The following ADCY3 variants were observed in gnomAD, a reference collection of about 807,000 sequenced individuals.
ADCY3 encodes the protein adenylate cyclase 3, also known as adenylate cyclase type 3.
ADCY3 carries 70 observed loss-of-function variants against 119.4 expected under a neutral mutation model. That is an observed-to-expected ratio of 0.59 (90% confidence interval 0.48 to 0.72). The LOEUF (loss-of-function observed/expected upper bound fraction) is 0.72, where lower values mean the gene tolerates loss of function less well. ADCY3 is among the 30% of genes least tolerant of loss of function. The pLI is 0.00. For synonymous variants in ADCY3, 672 were observed against 621.4 expected (o/e 1.08, Z -1.21); for missense variants, 1,238 against 1,541.6 (o/e 0.80, Z 3.30).
chr2:24,855,429 C>T (rs1404614750), intron 3 of ADCY3, among the ~76,000 whole-genome samples: 2 of 152,208 alleles, frequency 1.3e-5, no homozygotes, highest in South Asian at 2.1e-4. Flanking sequence ...GAGAAGACTG[C>T]GGGAAGAGCC....
intron 11 of ADCY3, among the ~76,000 whole-genome samples, chr2:24,833,207 G>A (rs970249128): frequency 1.3e-5 from 2 of 152,140 alleles, no homozygotes; most frequent in African/African-American, 4.8e-5. Context: ...TTGTTCTGGC[G>A]GCCTCCTGTG....
intron 18 of ADCY3, among the ~76,000 whole-genome samples, chr2:24,822,984 GTCCTTA>G (rs1369748203): frequency 1.3e-5 from 2 of 152,212 alleles, no homozygotes; most frequent in Non-Finnish European, 2.9e-5. Flanking sequence ...TGCTTGGCCA[GTCCTTA>G]TCCTTATCCT....
chr2:24,883,009 G>A (rs1159492619), intron 2 of ADCY3, among the ~76,000 whole-genome samples: 1 of 151,470 alleles, frequency 6.6e-6, no homozygotes, highest in Non-Finnish European at 1.5e-5. Flanking sequence ...GCAGTGAGCC[G>A]AGATCACACC....
chr2:24,866,768 T>C (rs2148773013), intron 3 of ADCY3, among the ~76,000 whole-genome samples: 1 of 152,160 alleles, frequency 6.6e-6, no homozygotes, highest in East Asian at 1.9e-4. Flanking sequence ...ATGGAAATTC[T>C]AGGACAGAAA....
At position 24,834,482 on chromosome 2, in the gene ADCY3, C is replaced by T. The variant is rs765701670; in HGVS notation, c.1967+3G>A. The T allele has an allele frequency of 3.7e-5, 60 of 1,601,352 alleles. No individual in the cohort carries two copies. The highest frequency in any genetic ancestry group is 4.9e-5 in the Non-Finnish European group (57 of 1,172,446). On this transcript the variant is annotated splice_donor_region_variant and intron_variant, in intron 11 of 21. Coordinates refer to ENST00000679454, the MANE Select transcript of ADCY3 (RefSeq NM_004036.5). This position sits in a 1 kb window ranked among gnomAD's most constrained non-coding sequence, Gnocchi z 4.2. The stretch of plus-strand genomic sequence containing the variant: ...TCGTGGCCCTCCCCGGCCCCTCCCT[C>T]ACCAGGGGTCGATGAGTATCTCGAC...
In ADCY3 at chr2:24,899,887, CT is replaced by C. The variant is rs1678712598; in HGVS notation, c.675+18425del. 6.6e-6 allele frequency among the ~76,000 whole-genome samples: 1 copy of C among 152,128 alleles called. No individual in the cohort carries two copies. The highest frequency in any genetic ancestry group is 1.5e-5 in the Non-Finnish European group (1 of 68,010). On this transcript the variant is annotated intron_variant, in intron 2 of 21. Coordinates refer to ENST00000679454, the MANE Select transcript of ADCY3 (RefSeq NM_004036.5). This position sits in a 1 kb window ranked among gnomAD's most constrained non-coding sequence, Gnocchi z 4.5. ...AGGAAGGAGGACTTTCACTTTTATT[CT>C]TTGTACTCCTGTCTAGGTTGAATTA...
chr2:24,851,338 T>C (rs978644656), intron 3 of ADCY3, among the ~76,000 whole-genome samples: 1 of 152,180 alleles, frequency 6.6e-6, no homozygotes, highest in Admixed American at 6.5e-5. Flanking sequence ...CTTCGCTCTG[T>C]AGCTCTCATG....
chr2:24,901,254 T>C (rs1678869103), intron 2 of ADCY3, among the ~76,000 whole-genome samples: 1 of 152,194 alleles, frequency 6.6e-6, no homozygotes, highest in Admixed American at 6.5e-5. Flanking sequence ...AGCTCCTCTC[T>C]AGGAAGGCCA....
At position 24,824,470 on chromosome 2, in the gene ADCY3, A is replaced by T. The variant is rs770063939; in HGVS notation, c.2644T>A (p.Tyr882Asn). 1.2e-6 allele frequency: 2 copies of T among 1,614,252 alleles called. No homozygotes were observed. The highest frequency in any genetic ancestry group is 2.2e-5 in the South Asian group (2 of 91,088). The part of the protein sequence containing the change: ...IEVHDQKERV[Y>N]EMRRWNEALV... ...GCCTCGTTCCAGCGTCGCATCTCATAGACACGTTCCTTCTGGTCGTGGACC... is the reference window on the plus strand; with the variant it reads ...GCCTCGTTCCAGCGTCGCATCTCATTGACACGTTCCTTCTGGTCGTGGACC... The change falls in exon 17 of 22, where the codon TAT (tyrosine) becomes AAT (asparagine). Residue 882 changes from tyrosine (Y) to asparagine (N), a missense_variant. Coordinates refer to ENST00000679454, the MANE Select transcript of ADCY3 (RefSeq NM_004036.5).
intron 7 of ADCY3, 93 bp downstream of exon 7, chr2:24,839,780 C>T (rs1456357964): frequency 6.4e-7 from 1 of 1,551,106 alleles, no homozygotes; most frequent in African/African-American, 1.4e-5. Flanking sequence ...TTCTCTGAGG[C>T]CCCCTGTCCC....
At chr2:24,821,867 G>T (rs971060659) in intron 19 of ADCY3, 72 of 539,760 alleles carry the variant, frequency 1.3e-4, no homozygotes, top group Non-Finnish European at 2.8e-5. Flanking sequence ...CAGAGGAGAC[G>T]GACCTGTGAG....
chr2:24,864,356 T>C (rs906576310), intron 3 of ADCY3, among the ~76,000 whole-genome samples: 1 of 152,076 alleles, frequency 6.6e-6, no homozygotes, highest in Non-Finnish European at 1.5e-5. Flanking sequence ...AGAACTACCA[T>C]ATGACCTGGC....
At chr2:24,866,722 C>T (rs1674363133) in intron 3 of ADCY3, among the ~76,000 whole-genome samples, 1 of 151,624 alleles carries the variant, frequency 6.6e-6, no homozygotes, top group South Asian at 2.1e-4. Flanking sequence ...AATAGGAATA[C>T]ATCGTTAGGG....
At chr2:24,886,095 A>G (rs1432247245) in intron 2 of ADCY3, among the ~76,000 whole-genome samples, 2 of 152,212 alleles carry the variant, frequency 1.3e-5, no homozygotes, top group Non-Finnish European at 2.9e-5. Flanking sequence ...AATATTTGCC[A>G]AACAGATGTC....
At chr2:24,853,910 T>C (rs1672699464) in intron 3 of ADCY3, among the ~76,000 whole-genome samples, 2 of 152,252 alleles carry the variant, frequency 1.3e-5, no homozygotes, top group South Asian at 2.1e-4. Flanking sequence ...ACAATGACTA[T>C]AGCCATTGAA....
At chr2:24,913,244 T>C (rs1449999033) in intron 2 of ADCY3, among the ~76,000 whole-genome samples, 1 of 152,174 alleles carries the variant, frequency 6.6e-6, no homozygotes, top group East Asian at 1.9e-4. Context: ...CCAGCTCCTG[T>C]CCCGATTCAG....
chr2:24,827,962 T>C lies in ADCY3; in HGVS notation c.2372A>G (p.Asn791Ser), dbSNP rs765173644. Residue 791 changes from asparagine to serine, a missense_variant, in exon 14 of 22, where the codon AAC (asparagine) becomes AGC (serine). Physicochemically the swap from Asn to Ser is conservative, Grantham distance 46. Transcript: ENST00000679454. Reference protein sequence around the residue: ...LLVAGAVATINLYAWRPVFDE... With the variant: ...LLVAGAVATISLYAWRPVFDE... ...AAAGACGGGACGCCAGGCATAGAGG[T>C]TGATGGTGGCCACGGCGCCTGCGAC... 3 of 1,614,044 alleles carry C rather than the reference T, an allele frequency of 1.9e-6. No homozygotes were observed. Among genetic ancestry groups the C allele is most frequent in the African/African-American group, 2.7e-5 (2 of 74,906 alleles).
intron 2 of ADCY3, among the ~76,000 whole-genome samples, chr2:24,877,466 G>A (rs1010364618): frequency 6.6e-5 from 10 of 152,136 alleles, no homozygotes; most frequent in East Asian, 5.8e-4. Context: ...AACAAGGCTC[G>A]GTCGCTCCCC....
At chr2:24,912,604 C>CGT (rs150628264) in intron 2 of ADCY3, among the ~76,000 whole-genome samples, 1 of 38,698 alleles carries the variant, frequency 2.6e-5, no homozygotes, top group Non-Finnish European at 4.7e-5. Flanking sequence ...TGTGTGTGTG[C>CGT]ATGTGTGTGT....
Sources: allele counts gnomAD v4.1 joint callset (sites outside exome capture counted in the v4.1 genomes callset), GRCh38; gene constraint gnomAD v4.1.1; non-coding constraint Gnocchi (gnomAD v3.1); transcripts MANE v1.5; gene names NCBI Gene and HGNC (gene_info 2026-07-23, HGNC 2026-07-21).